Variants in CYP46A1 observed in about 807,000 individuals in gnomAD.
The protein encoded by CYP46A1 is cholesterol 24-hydroxylase.
In CYP46A1, 20 loss-of-function variants were observed where a neutral mutation model predicts 63.3. That is an observed-to-expected ratio of 0.32 (90% CI 0.22 to 0.46). CYP46A1 has a LOEUF of 0.46. CYP46A1 is among the 20% of genes least tolerant of loss of function. The pLI is 1.00. For missense variants in CYP46A1, 445 were observed against 670.8 expected (o/e 0.66, Z 3.72); for synonymous variants, 268 against 273.6 (o/e 0.98, Z 0.20).
intron 7 of CYP46A1, 35 bp downstream of exon 7, chr14:99,707,713 C>T (rs1402935880): frequency 6.3e-7 from 1 of 1,592,784 alleles, no homozygotes; most frequent in Non-Finnish European, 8.6e-7. Flanking sequence ...TGACCAGCCA[C>T]CAGAGCTGTT....
At position 99,708,094 on chromosome 14, in the gene CYP46A1, C is replaced by T. The variant is rs1470408753; in HGVS notation, c.693+416C>T. On this transcript the variant is annotated intron_variant, in intron 7 of 14. Coordinates refer to ENST00000261835, the MANE Select transcript of CYP46A1 (RefSeq NM_006668.2). ...GGCCTGGGAACCAATCTGCCCCACC[C>T]GCTGCAGCTACCACCACCTGCACGC... 11 of 260,880 alleles carry T rather than the reference C, an allele frequency of 4.2e-5. No individual in the cohort carries two copies. The East Asian group carries it at 1.1e-3, about 26-fold the overall frequency. 16.2% of individuals were successfully genotyped at this position (260,880 alleles called of 1,614,324 possible). A position where few individuals can be genotyped will look rare whatever the true frequency, so the allele number is the denominator to read the frequency against.
At chr14:99,704,232 T>A (rs1467207035) in intron 5 of CYP46A1, among the ~76,000 whole-genome samples, 1 of 152,266 alleles carries the variant, frequency 6.6e-6, no homozygotes, top group Non-Finnish European at 1.5e-5. Context: ...ATTCGCATTA[T>A]TACGCAACCA....
Position 99,691,096 on chromosome 14 carries a change from C to T in CYP46A1, c.135C>T (p.His45=). 1 of 1,614,168 alleles carries T rather than the reference C, an allele frequency of 6.2e-7. No individual in the cohort carries two copies. Among genetic ancestry groups the T allele is most frequent in the Non-Finnish European group, 8.5e-7 (1 of 1,180,032 alleles). The change falls in exon 2 of 15, where the codon CAC becomes CAT. Residue 45 remains histidine, a synonymous_variant. Transcript: ENST00000261835. ...TTTCTTCTAGTTTCCTTCTAGGACA[C>T]CTCCCCTGCTTTTGGAAAAAGGATG... is the stretch of plus-strand genomic sequence containing the variant. ...GPPRPSFLLG[H]LPCFWKKDEV...
Position 99,725,130 on chromosome 14 carries a change from C to T in CYP46A1, c.1177-261C>T, listed in dbSNP as rs937866183. Among the ~76,000 whole-genome samples, 22 of 152,288 alleles carry T rather than the reference C, an allele frequency of 1.4e-4. No individual in the cohort carries two copies. The highest frequency in any genetic ancestry group is 4.1e-4 in the South Asian group (2 of 4,828). On this transcript the variant is annotated intron_variant, in intron 12 of 14. Transcript: ENST00000261835. The surrounding 1 kb of genome is among the most constrained non-coding windows in gnomAD (Gnocchi z 4.2). ...CTCATCTGTAAAATGGGGACAATGACGGCTCCCCTACAGGGCTGAGCCCAG... is the reference window on the plus strand; with the variant it reads ...CTCATCTGTAAAATGGGGACAATGATGGCTCCCCTACAGGGCTGAGCCCAG...
At chr14:99,691,437 A>T in intron 2 of CYP46A1, 1 of 583,418 alleles carries the variant, frequency 1.7e-6, no homozygotes, top group South Asian at 2.2e-5. Flanking sequence ...ACCAGGTAAC[A>T]GTCATTGTTT....
In CYP46A1 at chr14:99,726,227, C is replaced by A; in HGVS notation, c.1303C>A (p.Arg435Ser). ...FTYFPFSLGH[R>S]SCIGQQFAQM... ...CTACTTCCCCTTCTCCCTGGGCCAC[C>A]GCTCCTGCATCGGGCAGCAGTTTGC... The change falls in exon 14 of 15, where the codon CGC (arginine) becomes AGC (serine). Residue 435 changes from arginine (R) to serine (S), a missense_variant. By Grantham distance (110) the Arg-to-Ser change is moderately radical. Around this residue, in one of 4 missense-constraint regions of CYP46A1, gnomAD observed 95 missense variants for 156.9 expected, o/e 0.61. Transcript: ENST00000261835. 1 of 1,613,902 alleles carries A rather than the reference C, an allele frequency of 6.2e-7. No homozygotes were observed. Among genetic ancestry groups the A allele is most frequent in the Non-Finnish European group, 8.5e-7 (1 of 1,179,994 alleles).
At chr14:99,712,040 G>A (rs544324416) in intron 7 of CYP46A1, 2 of 152,164 alleles carry the variant, frequency 1.3e-5, no homozygotes, top group Non-Finnish European at 2.9e-5. Flanking sequence ...AAAGCCATAT[G>A]ATCATCTCAA....
chr14:99,726,390 C>CCAGAGGACTGGCTGTGTTTTGCA, intron 14 of CYP46A1, 134 bp downstream of exon 14: 1 of 1,182,624 alleles, frequency 8.5e-7, no homozygotes, highest in Non-Finnish European at 1.2e-6. Context: ...GGAGCCAGAC[C>CCAGAGGACTGGCTGTGTTTTGCA]CAGAGGACTG....
chr14:99,710,818 C>T (rs2056723279), intron 7 of CYP46A1: 1 of 152,122 alleles, frequency 6.6e-6, no homozygotes, highest in Non-Finnish European at 1.5e-5. Flanking sequence ...ACCGTATAGA[C>T]CTAATAGACA....
Position 99,725,468 on chromosome 14 carries a change from T to C in CYP46A1, c.1254T>C (p.Pro418=), listed in dbSNP as rs749276702. The change falls in exon 13 of 15, where the codon CCT becomes CCC. Residue 418 remains proline, a synonymous_variant. Transcript: ENST00000261835. The surrounding 1 kb of genome is among the most constrained non-coding windows in gnomAD (Gnocchi z 4.2). ...CTTTCAACCCCGATCGCTTCGGCCC[T>C]GGAGCACCCAAGTAAGTCCCTCCTG... is the stretch of plus-strand genomic sequence containing the variant. ...PLTFNPDRFG[P]GAPKPRFTYF... is the part of the protein sequence containing the mutation. 1.2e-6 allele frequency: 2 copies of C among 1,613,800 alleles called. No individual in the cohort carries two copies. Among genetic ancestry groups the C allele is most frequent in the Non-Finnish European group, 1.7e-6 (2 of 1,179,692 alleles).
intron 12 of CYP46A1, chr14:99,723,256 T>G (rs1178227467): frequency 6.2e-6 from 1 of 161,092 alleles, no homozygotes; most frequent in Non-Finnish European, 1.4e-5. Context: ...TATTGCTATG[T>G]AGAGCGTTAT....
chr14:99,688,025 C>A (rs2056510326), intron 1 of CYP46A1, among the ~76,000 whole-genome samples: 1 of 152,040 alleles, frequency 6.6e-6, no homozygotes, highest in Non-Finnish European at 1.5e-5. Flanking sequence ...GACCCCACCC[C>A]TCTCTGTGCC....
chr14:99,691,647 G>C, intron 2 of CYP46A1, 133 bp from the exon 3 acceptor site: 4 of 810,678 alleles, frequency 4.9e-6, no homozygotes, highest in Non-Finnish European at 6.2e-6. Flanking sequence ...CTGGGCCCCA[G>C]GACAGCACTC....
In CYP46A1 at chr14:99,722,439, C is replaced by T. The variant is rs1422919165; in HGVS notation, c.1176+373C>T. ...TGGTTCCTTCTCTCCTCACGTTTTA[C>T]AGCCCTTTCTCTCTCGGCTTTCTCC... On this transcript the variant is annotated intron_variant, in intron 12 of 14. Coordinates refer to ENST00000261835, the MANE Select transcript of CYP46A1 (RefSeq NM_006668.2). The surrounding 1 kb of genome is among the most constrained non-coding windows in gnomAD (Gnocchi z 4.6). Among the ~76,000 whole-genome samples, 1 of 152,170 alleles carries T rather than the reference C, an allele frequency of 6.6e-6. No homozygotes were observed. The highest frequency in any genetic ancestry group is 1.9e-4 in the East Asian group (1 of 5,188).
chr14:99,703,498 C>A (rs2140122360), intron 5 of CYP46A1: 1 of 731,340 alleles, frequency 1.4e-6, no homozygotes, highest in Non-Finnish European at 1.7e-6. Flanking sequence ...TGCCCCTAAA[C>A]CCCTCCAACC....
chr14:99,721,126 G>C (rs1166322072), intron 10 of CYP46A1, 113 bp from the exon 11 acceptor site: 10 of 739,396 alleles, frequency 1.4e-5, no homozygotes, highest in Non-Finnish European at 2.4e-5. Flanking sequence ...TTTGTGAGTG[G>C]GGAGCCCCAT....
Position 99,707,643 on chromosome 14 carries a change from G to A in CYP46A1, c.658G>A (p.Glu220Lys). 6.2e-7 allele frequency: 1 copy of A among 1,614,124 alleles called. No homozygotes were observed. Among genetic ancestry groups the A allele is most frequent in the Non-Finnish European group, 8.5e-7 (1 of 1,179,990 alleles). The change falls in exon 7 of 15, where the codon GAG becomes AAG. Residue 220 changes from glutamate to lysine, a missense_variant. By Grantham distance (56) the Glu-to-Lys change is moderately conservative. Around this residue, in one of 4 missense-constraint regions of CYP46A1, gnomAD observed 252 missense variants for 383.3 expected, o/e 0.66. Transcript: ENST00000261835. ...PLSQAVKLML[E>K]GITASRNTLA... ...GTCCCAGGCAGTGAAACTTATGTTG[G>A]AGGGAATCACTGCGTCCCGCAACAC...
At chr14:99,687,350 AT>A (rs1182810795) in intron 1 of CYP46A1, among the ~76,000 whole-genome samples, 1 of 152,092 alleles carries the variant, frequency 6.6e-6, no homozygotes, top group African/African-American at 2.4e-5. Context: ...TTATTTGGGG[AT>A]AAATTGACTC....
intron 7 of CYP46A1, among the ~76,000 whole-genome samples, chr14:99,713,932 G>T (rs2056763363): frequency 6.9e-6 from 1 of 145,308 alleles, no homozygotes; most frequent in Non-Finnish European, 1.5e-5. Context: ...AAACTAAAAA[G>T]GTTCCGCACA....
Sources: gnomAD v4.1 joint callset for allele counts (sites outside exome capture counted in the v4.1 genomes callset) on GRCh38, gnomAD v4.1.1 for gene constraint, gnomAD v4.1.1 regional missense constraint, Gnocchi (gnomAD v3.1) non-coding constraint, MANE v1.5 for transcripts, NCBI Gene and HGNC (gene_info 2026-07-23, HGNC 2026-07-21) for gene names.